Variants in PCDH7 observed in about 807,000 individuals in gnomAD.
PCDH7 encodes protocadherin 7.
In PCDH7, 17 loss-of-function variants were observed where a neutral mutation model predicts 58.9. The ratio of observed to expected loss-of-function variants is 0.29; its 90% CI spans 0.20 to 0.43. The LOEUF (loss-of-function observed/expected upper bound fraction) is 0.43. PCDH7 is among the 20% of genes least tolerant of loss of function. PCDH7 has a pLI of 1.00. For synonymous variants in PCDH7, 664 were observed against 616.4 expected (o/e 1.08, Z -1.14); for missense variants, 1,274 against 1,441.0 (o/e 0.88, Z 1.88).
chr4:31,037,297 A>C (rs976423085), intron 3 of PCDH7, among the ~76,000 whole-genome samples: 1 of 152,182 alleles, frequency 6.6e-6, no homozygotes, highest in Non-Finnish European at 1.5e-5. Flanking sequence ...GTAACCTAAA[A>C]ATTGTGAATT....
At chr4:30,893,829 T>A (rs1030006161) in intron 1 of PCDH7, among the ~76,000 whole-genome samples, 6 of 152,100 alleles carry the variant, frequency 3.9e-5, no homozygotes, top group African/African-American at 1.4e-4. Context: ...AAATTGACTC[T>A]GCTGCTTACA....
chr4:30,947,089 G>T (rs1401274701), intron 2 of PCDH7, among the ~76,000 whole-genome samples: 1 of 152,104 alleles, frequency 6.6e-6, no homozygotes, highest in African/African-American at 2.4e-5. Flanking sequence ...GCTTACAGTT[G>T]CACATGGTCT....
chr4:31,085,948 G>A (rs1305285422), intron 3 of PCDH7, among the ~76,000 whole-genome samples: 1 of 149,828 alleles, frequency 6.7e-6, no homozygotes, highest in Non-Finnish European at 1.5e-5. Flanking sequence ...CAGATTTAGT[G>A]CCTAACAGGA....
intron 3 of PCDH7, among the ~76,000 whole-genome samples, chr4:31,078,120 T>C (rs1759159480): frequency 6.6e-6 from 1 of 152,184 alleles, no homozygotes; most frequent in African/African-American, 2.4e-5. Context: ...AATTAGGGAC[T>C]AAGCGCATCT....
chr4:30,750,851 T>A (rs894977711), intron 1 of PCDH7, among the ~76,000 whole-genome samples: 4 of 152,120 alleles, frequency 2.6e-5, no homozygotes, highest in Admixed American at 2.0e-4. Context: ...GGAGCATTTA[T>A]ATATAAAGTA....
intron 3 of PCDH7, among the ~76,000 whole-genome samples, chr4:31,064,256 A>C (rs1258079782): frequency 6.6e-6 from 1 of 152,010 alleles, no homozygotes; most frequent in Non-Finnish European, 1.5e-5. Flanking sequence ...ATTTGGAAAC[A>C]ACACGCAGGA....
chr4:30,889,197 T>C (rs1041529836), intron 1 of PCDH7, among the ~76,000 whole-genome samples: 2 of 151,508 alleles, frequency 1.3e-5, no homozygotes, highest in African/African-American at 4.8e-5. Flanking sequence ...AACTCTTCTT[T>C]AAGTTACCAA....
Position 31,105,923 on chromosome 4 carries a change from C to T in PCDH7, c.*8-36550C>T, listed in dbSNP as rs1041773575. ...TCGGGACGCTGAGGCAGGAGAATGG[C>T]GTGAACCCGGGAGGCAGAGCTTGCA... is the stretch of plus-strand genomic sequence containing the variant. On this transcript the variant is annotated intron_variant, in intron 3 of 3. Transcript: ENST00000509759. 4.6e-5 allele frequency among the ~76,000 whole-genome samples: 7 copies of T among 151,488 alleles called. No homozygotes were observed. In the East Asian group the frequency reaches 1.2e-3, roughly 25 times the overall value.
intron 1 of PCDH7, among the ~76,000 whole-genome samples, chr4:30,914,628 C>T (rs537709658): frequency 6.6e-6 from 1 of 152,166 alleles, no homozygotes; most frequent in South Asian, 2.1e-4. Flanking sequence ...CTTTACTTGG[C>T]CAGCTCTATA....
At chr4:30,848,309 A>C (rs1039351839) in intron 1 of PCDH7, among the ~76,000 whole-genome samples, 3 of 152,132 alleles carry the variant, frequency 2.0e-5, no homozygotes, top group African/African-American at 7.2e-5. Context: ...ACAATTAGGT[A>C]ATTCAGTAGG....
chr4:30,970,468 G>A (rs1414917142), intron 3 of PCDH7, among the ~76,000 whole-genome samples: 1 of 109,504 alleles, frequency 9.1e-6, no homozygotes, highest in Non-Finnish European at 1.7e-5. Context: ...CTAATTTTTT[G>A]TATTTTTAGT....
At chr4:30,790,175 A>G (rs1453180910) in intron 1 of PCDH7, among the ~76,000 whole-genome samples, 1 of 152,198 alleles carries the variant, frequency 6.6e-6, no homozygotes, top group Non-Finnish European at 1.5e-5. Context: ...CTTTAGTTGA[A>G]CTGATTCTAA....
At chr4:30,838,323 T>G (rs1730771198) in intron 1 of PCDH7, among the ~76,000 whole-genome samples, 2 of 152,156 alleles carry the variant, frequency 1.3e-5, no homozygotes, top group Admixed American at 1.3e-4. Context: ...CATTTTTTTT[T>G]TATTTTAACT....
chr4:30,881,152 G>A (rs1182153322), intron 1 of PCDH7, among the ~76,000 whole-genome samples: 1 of 151,970 alleles, frequency 6.6e-6, no homozygotes, highest in East Asian at 1.9e-4. Context: ...AGGTAAATGG[G>A]GAAACAAAAT....
intron 1 of PCDH7, among the ~76,000 whole-genome samples, chr4:30,915,205 G>A (rs988677010): frequency 2.0e-5 from 3 of 152,090 alleles, no homozygotes; most frequent in African/African-American, 4.8e-5. Context: ...AGAAATCTTT[G>A]TTTTAACTTC....
At chr4:30,898,734 G>T (rs1739787282) in intron 1 of PCDH7, among the ~76,000 whole-genome samples, 1 of 152,128 alleles carries the variant, frequency 6.6e-6, no homozygotes, top group African/African-American at 2.4e-5. Context: ...GGGACTACAG[G>T]CGCCCGCCAC....
chr4:31,071,905 A>G (rs1758571858), intron 3 of PCDH7, among the ~76,000 whole-genome samples: 1 of 152,086 alleles, frequency 6.6e-6, no homozygotes, highest in Admixed American at 6.6e-5. Context: ...TGGTGAGAAC[A>G]CTATTTAGTT....
chr4:31,118,290 T>C (rs1350470615), intron 3 of PCDH7, among the ~76,000 whole-genome samples: 2 of 152,194 alleles, frequency 1.3e-5, no homozygotes, highest in African/African-American at 4.8e-5. Flanking sequence ...CACTCAGATT[T>C]ACTTTGAAAG....
At chr4:31,025,199 A>C (rs1754329038) in intron 3 of PCDH7, among the ~76,000 whole-genome samples, 1 of 152,228 alleles carries the variant, frequency 6.6e-6, no homozygotes, top group South Asian at 2.1e-4. Context: ...ATCCAAGAAA[A>C]GGAAAGGTTA....
Sources: allele counts gnomAD v4.1 joint callset (sites outside exome capture counted in the v4.1 genomes callset), GRCh38; gene constraint gnomAD v4.1.1; transcripts MANE v1.5; gene names NCBI Gene and HGNC (gene_info 2026-07-23, HGNC 2026-07-21).